GREM2: variants seen among roughly 807,000 people sequenced by gnomAD.
The protein encoded by GREM2 is gremlin 2, DAN family BMP antagonist.
In GREM2, 11 loss-of-function variants were observed where a neutral mutation model predicts 14.2. That is an observed-to-expected ratio of 0.78 (90% CI 0.49 to 1.28). The LOEUF is 1.28. Ranked by LOEUF, GREM2 falls within the 50% of genes most tolerant of loss-of-function variation. The pLI is 0.00. For synonymous variants in GREM2, 98 were observed against 97.6 expected (o/e 1.00, Z -0.02); for missense variants, 210 against 218.5 (o/e 0.96, Z 0.24).
At chr1:240,541,730 C>T (rs934362479) in intron 1 of GREM2, among the ~76,000 whole-genome samples, 2 of 151,732 alleles carry the variant, frequency 1.3e-5, no homozygotes, top group East Asian at 2.0e-4. Flanking sequence ...AATTCTCAAA[C>T]TGGTTATAAA....
chr1:240,516,255 C>A lies in GREM2; in HGVS notation c.-1-22779G>T, dbSNP rs1253593841. Reference sequence around the variant, plus strand: ...AGTCTAGAGGCATGCGCCACAGCACCAAGTTCAACCCTGACTCTTAGTGGT... The same window carrying A: ...AGTCTAGAGGCATGCGCCACAGCACAAAGTTCAACCCTGACTCTTAGTGGT... On this transcript the variant is annotated intron_variant, in intron 1 of 1. Transcript: ENST00000318160. 3.9e-5 allele frequency among the ~76,000 whole-genome samples: 6 copies of A among 152,168 alleles called. No homozygotes were observed. The East Asian group carries it at 1.2e-3, about 29-fold the overall frequency.
At chr1:240,570,459 A>G (rs1231523068) in intron 1 of GREM2, among the ~76,000 whole-genome samples, 6 of 152,166 alleles carry the variant, frequency 3.9e-5, no homozygotes, top group Non-Finnish European at 8.8e-5. Flanking sequence ...AGACTCTCTC[A>G]AAAACAAAAA....
Position 240,491,886 on chromosome 1 carries a change from A to G in GREM2, c.*1083T>C, listed in dbSNP as rs1677260003. On this transcript the variant is annotated 3_prime_UTR_variant, in exon 2 of 2. Transcript: ENST00000318160. ...CCCTATACCTATCCATCCCAAGCCA[A>G]TTTCTACATTGTGCTGCAATGCTTA... 1 of 156,122 alleles carries G rather than the reference A, an allele frequency of 6.4e-6. No homozygotes were observed. The highest frequency in any genetic ancestry group is 1.9e-4 in the East Asian group (1 of 5,362). 9.7% of individuals were successfully genotyped at this position (156,122 alleles called of 1,614,324 possible). A position where few individuals can be genotyped will look rare whatever the true frequency, so the allele number is the denominator to read the frequency against.
intron 1 of GREM2, among the ~76,000 whole-genome samples, chr1:240,493,847 C>T (rs1256629435): frequency 1.3e-5 from 2 of 152,196 alleles, no homozygotes; most frequent in African/African-American, 4.8e-5. Flanking sequence ...TACGGTTTTA[C>T]TAGCAGTGAC....
intron 1 of GREM2, among the ~76,000 whole-genome samples, chr1:240,568,432 C>G (rs920669437): frequency 3.3e-5 from 5 of 151,950 alleles, no homozygotes; most frequent in African/African-American, 1.2e-4. Context: ...AAAGAAGCGA[C>G]TGGAAAAATA....
intron 1 of GREM2, among the ~76,000 whole-genome samples, chr1:240,611,506 G>A (rs1680134174): frequency 6.6e-6 from 1 of 152,136 alleles, no homozygotes; most frequent in African/African-American, 2.4e-5. Context: ...GAGGTTCGTA[G>A]CCCGCTTTCT....
At position 240,611,329 on chromosome 1, in the gene GREM2, A is replaced by G. The variant is rs934226824; in HGVS notation, c.-2+555T>C. 3.3e-5 allele frequency among the ~76,000 whole-genome samples: 5 copies of G among 152,048 alleles called. No homozygotes were observed. In the South Asian group the frequency reaches 6.2e-4, roughly 19 times the overall value. ...CTGACAATCACGTTAAAAAATAACTACCTCCCTTCTCTCTTCTCCTTCAAC... is the reference window on the plus strand; with the variant it reads ...CTGACAATCACGTTAAAAAATAACTGCCTCCCTTCTCTCTTCTCCTTCAAC... On this transcript the variant is annotated intron_variant, in intron 1 of 1. Transcript: ENST00000318160.
chr1:240,611,635 G>C (rs1301345677), intron 1 of GREM2, among the ~76,000 whole-genome samples: 1 of 152,040 alleles, frequency 6.6e-6, no homozygotes, highest in Non-Finnish European at 1.5e-5. Flanking sequence ...GAAAGAAAGA[G>C]CGATCACGGT....
At chr1:240,505,300 C>A (rs1051566677) in intron 1 of GREM2, among the ~76,000 whole-genome samples, 1 of 152,120 alleles carries the variant, frequency 6.6e-6, no homozygotes, top group Non-Finnish European at 1.5e-5. Flanking sequence ...ATTACCCATT[C>A]TCAGATATTT....
chr1:240,593,765 T>C (rs1423170389), intron 1 of GREM2, among the ~76,000 whole-genome samples: 1 of 152,094 alleles, frequency 6.6e-6, no homozygotes, highest in Non-Finnish European at 1.5e-5. Flanking sequence ...CAGTGTCTAT[T>C]AAATGACAAG....
chr1:240,534,796 G>A (rs1181374999), intron 1 of GREM2, among the ~76,000 whole-genome samples: 3 of 152,132 alleles, frequency 2.0e-5, no homozygotes, highest in Non-Finnish European at 2.9e-5. Context: ...AATCACCCTG[G>A]TAGGAAAAAG....
intron 1 of GREM2, among the ~76,000 whole-genome samples, chr1:240,516,907 C>G (rs971058884): frequency 6.6e-6 from 1 of 152,122 alleles, no homozygotes; most frequent in African/African-American, 2.4e-5. Flanking sequence ...AGTCTGGGCC[C>G]TGGAGCTAGA....
At chr1:240,569,440 C>T (rs1679221112) in intron 1 of GREM2, among the ~76,000 whole-genome samples, 1 of 152,128 alleles carries the variant, frequency 6.6e-6, no homozygotes, top group African/African-American at 2.4e-5. Context: ...TGCCTGATTT[C>T]AAAACTTCTT....
At chr1:240,544,577 C>G (rs6429209) in intron 1 of GREM2, among the ~76,000 whole-genome samples, 78,153 of 152,014 alleles carry the variant, frequency 0.51, 22,592 homozygotes, top group African/African-American at 0.79. Flanking sequence ...ACTGTGTCTT[C>G]AAAAACTCTT....
intron 1 of GREM2, among the ~76,000 whole-genome samples, chr1:240,567,286 C>T (rs1440928925): frequency 2.6e-5 from 4 of 151,992 alleles, no homozygotes; most frequent in Non-Finnish European, 2.9e-5. Flanking sequence ...AAACAATAGC[C>T]TACTATTTCC....
At chr1:240,562,906 G>A (rs1028697568) in intron 1 of GREM2, among the ~76,000 whole-genome samples, 2 of 150,508 alleles carry the variant, frequency 1.3e-5, no homozygotes, top group Admixed American at 1.3e-4. Flanking sequence ...ATGTGTGTAT[G>A]TATGTCTGTG....
chr1:240,531,342 T>C (rs1558151453), intron 1 of GREM2, among the ~76,000 whole-genome samples: 1 of 152,220 alleles, frequency 6.6e-6, no homozygotes, highest in African/African-American at 2.4e-5. Context: ...CTTTAAATTT[T>C]TCTGGAAGAT....
rs116714473 is a variant in GREM2, at chr1:240,512,174, T to C, written c.-1-18698A>G. 2.3e-3 allele frequency among the ~76,000 whole-genome samples: 351 copies of C among 152,290 alleles called. 1 individual carries two copies. Among genetic ancestry groups the C allele is most frequent in the African/African-American group, 8.2e-3 (342 of 41,554 alleles). On this transcript the variant is annotated intron_variant, in intron 1 of 1. Coordinates refer to ENST00000318160, the MANE Select transcript of GREM2 (RefSeq NM_022469.4). Reference sequence around the variant, plus strand: ...TAGTGAAGGACAAAGGAAAATTATTTGAGGGAGATTTTTTTCTCAAGAAAA... The same window carrying C: ...TAGTGAAGGACAAAGGAAAATTATTCGAGGGAGATTTTTTTCTCAAGAAAA...
At chr1:240,571,313 A>G (rs1266012119) in intron 1 of GREM2, among the ~76,000 whole-genome samples, 1 of 152,230 alleles carries the variant, frequency 6.6e-6, no homozygotes, top group Admixed American at 6.5e-5. Flanking sequence ...CATTATCTGT[A>G]AAACAAGAAA....
Sources: allele counts gnomAD v4.1 joint callset (sites outside exome capture counted in the v4.1 genomes callset), GRCh38; gene constraint gnomAD v4.1.1; transcripts MANE v1.5; gene names NCBI Gene and HGNC (gene_info 2026-07-23, HGNC 2026-07-21).